The following TENM2 variants were observed in gnomAD, a reference collection of about 807,000 sequenced individuals.
TENM2 encodes the protein teneurin-2.
A neutral mutation model predicts 245.2 loss-of-function variants in TENM2; 52 were observed. The observed-to-expected ratio is 0.21, with a 90% CI of 0.17 to 0.27. TENM2 has a LOEUF of 0.27. Ranked by LOEUF, TENM2 falls within the 10% of genes least tolerant of loss-of-function variation. The pLI is 1.00. For synonymous variants in TENM2, 1,363 were observed against 1,438.9 expected (o/e 0.95, Z 1.19); for missense variants, 3,046 against 3,666.8 (o/e 0.83, Z 4.37).
chr5:167,783,353 C>T (rs991746717), intron 2 of TENM2, among the ~76,000 whole-genome samples: 19 of 151,946 alleles, frequency 1.3e-4, no homozygotes, highest in Admixed American at 2.0e-4. Flanking sequence ...AGGAGTGAGC[C>T]GTGTTTGTGG....
the TENM2 span, among the ~76,000 whole-genome samples, chr5:167,093,381 T>G: frequency 6.6e-6 from 1 of 152,202 alleles, no homozygotes; most frequent in Admixed American, 6.5e-5. Flanking sequence ...GCCAGGATTC[T>G]AATTTGTAAG....
chr5:168,179,520 T>C (rs1353491968), intron 13 of TENM2, among the ~76,000 whole-genome samples: 1 of 152,244 alleles, frequency 6.6e-6, no homozygotes, highest in East Asian at 1.9e-4. Flanking sequence ...ACTAGGTATG[T>C]AAATGGTTAC....
the TENM2 span, among the ~76,000 whole-genome samples, chr5:167,251,393 A>C: frequency 6.6e-6 from 1 of 152,178 alleles, no homozygotes; most frequent in East Asian, 1.9e-4. Flanking sequence ...GCAGGGTTCA[A>C]ACAATGAAGA....
intron 3 of TENM2, among the ~76,000 whole-genome samples, chr5:167,947,669 A>T (rs1049819978): frequency 6.6e-6 from 1 of 152,164 alleles, no homozygotes; most frequent in Non-Finnish European, 1.5e-5. Context: ...TGCCAACACC[A>T]TCTCCTCTTT....
rs568168117 is a variant in TENM2, at chr5:167,331,995, G to T, written c.227-43203G>T. The stretch of plus-strand genomic sequence containing the variant: ...AAAAGAGAGAGAAGGAAAAAAAATT[G>T]CCTTTATCGACCAACGTATTCCAAT... On this transcript the variant is annotated intron_variant, in intron 1 of 28. Coordinates refer to ENST00000518659, the Ensembl canonical transcript of TENM2. 2.0e-5 allele frequency among the ~76,000 whole-genome samples: 3 copies of T among 152,236 alleles called. No homozygotes were observed. In the East Asian group the frequency reaches 5.8e-4, roughly 29 times the overall value.
the TENM2 span, among the ~76,000 whole-genome samples, chr5:167,238,819 A>T: frequency 5.9e-3 from 901 of 152,252 alleles, 12 homozygotes; most frequent in African/African-American, 0.021. Context: ...TTCTTCACTG[A>T]TCAGGAAGAG....
chr5:168,214,928 G>A, intron 20 of TENM2, 112 bp from the exon 23 acceptor site: 1 of 834,146 alleles, frequency 1.2e-6, no homozygotes. Flanking sequence ...CACTAAAGTG[G>A]AAAGACACTA....
chr5:167,901,628 C>T (rs949687342), intron 3 of TENM2, among the ~76,000 whole-genome samples: 1 of 152,140 alleles, frequency 6.6e-6, no homozygotes. Context: ...ATTGAATGGG[C>T]CTAGCACCAC....
chr5:168,124,347 A>G (rs1278718750), intron 10 of TENM2, among the ~76,000 whole-genome samples: 3 of 152,214 alleles, frequency 2.0e-5, no homozygotes, highest in African/African-American at 4.8e-5. Flanking sequence ...CATAAGTTTC[A>G]TTGGTTTTCC....
the TENM2 span, among the ~76,000 whole-genome samples, chr5:167,025,048 G>A: frequency 6.6e-6 from 1 of 152,072 alleles, no homozygotes; most frequent in Non-Finnish European, 1.5e-5. Flanking sequence ...CCAGCTTCCA[G>A]TTGATTCTAA....
intron 2 of TENM2, among the ~76,000 whole-genome samples, chr5:167,426,869 A>T (rs1004634276): frequency 1.3e-5 from 2 of 152,170 alleles, no homozygotes; most frequent in Non-Finnish European, 2.9e-5. Context: ...TAAATTGATC[A>T]TCTCAAACAT....
At chr5:167,176,690 A>G in the TENM2 span, among the ~76,000 whole-genome samples, 1 of 152,250 alleles carries the variant, frequency 6.6e-6, no homozygotes, top group Non-Finnish European at 1.5e-5. Flanking sequence ...TTCAGATTTT[A>G]TGCCCCTTGA....
the TENM2 span, among the ~76,000 whole-genome samples, chr5:167,183,409 C>T: frequency 6.6e-6 from 1 of 152,156 alleles, no homozygotes; most frequent in African/African-American, 2.4e-5. Context: ...ATACCAGGAA[C>T]AAATAACATG....
At chr5:167,013,753 G>A in the TENM2 span, among the ~76,000 whole-genome samples, 8 of 152,134 alleles carry the variant, frequency 5.3e-5, no homozygotes, top group Admixed American at 2.0e-4. Context: ...AAGGAAAGTG[G>A]TAGGTCTGAC....
At position 167,328,086 on chromosome 5, in the gene TENM2, G is replaced by A. The variant is rs536258489; in HGVS notation, c.226+43023G>A. Among the ~76,000 whole-genome samples, 9 of 151,360 alleles carry A rather than the reference G, an allele frequency of 5.9e-5. No homozygotes were observed. In the South Asian group the frequency reaches 1.7e-3, roughly 28 times the overall value. On this transcript the variant is annotated intron_variant, in intron 1 of 28. Transcript: ENST00000518659. ...TGTCTTCCAGGTATTTAAGCTAAAA[G>A]CTTGGAGTTATCCTTAATTTATCGC...
the TENM2 span, among the ~76,000 whole-genome samples, chr5:167,132,368 A>G: frequency 9.2e-5 from 14 of 152,086 alleles, no homozygotes; most frequent in Admixed American, 9.2e-4. Context: ...TCAAAATATC[A>G]TGATCTAGAG....
At chr5:166,998,699 T>TTG in the TENM2 span, among the ~76,000 whole-genome samples, 1 of 152,140 alleles carries the variant, frequency 6.6e-6, no homozygotes, top group African/African-American at 2.4e-5. Context: ...AGTATGGGAC[T>TTG]TGTTTGGGTC....
intron 2 of TENM2, among the ~76,000 whole-genome samples, chr5:167,395,743 G>A (rs1204032459): frequency 1.3e-5 from 2 of 151,786 alleles, no homozygotes; most frequent in East Asian, 1.9e-4. Flanking sequence ...ACATCCCTAG[G>A]GTATAAAGTT....
chr5:167,668,687 G>T (rs529456982), intron 2 of TENM2, among the ~76,000 whole-genome samples: 1 of 152,304 alleles, frequency 6.6e-6, no homozygotes, highest in East Asian at 1.9e-4. Context: ...AAGCACAGTG[G>T]CTCAAAACTG....
Sources: allele counts gnomAD v4.1 joint callset (sites outside exome capture counted in the v4.1 genomes callset), GRCh38; gene constraint gnomAD v4.1.1; transcripts MANE v1.5; gene names NCBI Gene and HGNC (gene_info 2026-07-23, HGNC 2026-07-21).